Variants in PLEKHM1 observed in about 807,000 individuals in gnomAD.
PLEKHM1 encodes pleckstrin homology and RUN domain containing M1, also known as pleckstrin homology domain-containing family M member 1.
PLEKHM1 carries 28 observed loss-of-function variants against 94.3 expected under a neutral mutation model. The observed-to-expected ratio is 0.30, with a 90% CI of 0.22 to 0.41. The LOEUF (loss-of-function observed/expected upper bound fraction) is 0.41. Ranked by LOEUF, PLEKHM1 falls within the 10% of genes least tolerant of loss-of-function variation. PLEKHM1 has a pLI of 1.00. For missense variants in PLEKHM1, 907 were observed against 1,358.6 expected (o/e 0.67, Z 5.22); for synonymous variants, 424 against 581.2 (o/e 0.73, Z 3.89).
At chr17:45,447,656 G>A (rs71373572) in intron 8 of PLEKHM1, among the ~76,000 whole-genome samples, 19,433 of 151,914 alleles carry the variant, frequency 0.13, 1,587 homozygotes, top group Middle Eastern at 0.21. Flanking sequence ...GAACAGCAAC[G>A]GCGAACAATA....
At chr17:45,462,757 GA>G (rs2051191133) in intron 5 of PLEKHM1, among the ~76,000 whole-genome samples, 1 of 152,176 alleles carries the variant, frequency 6.6e-6, no homozygotes, top group African/African-American at 2.4e-5. Flanking sequence ...AAGTGGACTG[GA>G]AGGAAGGAGA....
At position 45,454,560 on chromosome 17, in the gene PLEKHM1, C is replaced by T. The variant is rs2684504; in HGVS notation, c.1580-288G>A. 79,173 of 576,836 alleles carry T rather than the reference C, an allele frequency of 0.14. 6,860 individuals are homozygous for T. The highest frequency in any genetic ancestry group is 0.2 in the Middle Eastern group (427 of 2,142). The allele number at this position is 576,836 out of a possible 1,614,324, so 35.7% of individuals were successfully genotyped here. ...CCCTACACCCACGCCTTCCCTCCTG[C>T]TGCCAGGGATGAACCAAGTGTGCTT... On this transcript the variant is annotated intron_variant, in intron 6 of 11. Coordinates refer to ENST00000430334, the MANE Select transcript of PLEKHM1 (RefSeq NM_014798.3).
At chr17:45,482,582 T>C in intron 1 of PLEKHM1, 57 bp from the exon 2 acceptor site, 4 of 959,478 alleles carry the variant, frequency 4.2e-6, no homozygotes. Flanking sequence ...CCAGCCAGAG[T>C]CCATTCCCAG....
chr17:45,465,618 G>A lies in PLEKHM1; in HGVS notation c.1308+2591C>T, dbSNP rs1415819635. On this transcript the variant is annotated intron_variant, in intron 5 of 11. Coordinates refer to ENST00000430334, the MANE Select transcript of PLEKHM1 (RefSeq NM_014798.3). ...CCAGCTACTTGGGAGGCTGAGGCAT[G>A]AGAATCAGTTGAACTTAGGAGGCGG... 8.5e-5 allele frequency among the ~76,000 whole-genome samples: 13 copies of A among 152,304 alleles called. 1 individual carries two copies. In the South Asian group the frequency reaches 1.9e-3, roughly 22 times the overall value.
chr17:45,434,926 G>A (rs1170934557), downstream of PLEKHM1, among the ~76,000 whole-genome samples: 1 of 134,466 alleles, frequency 7.4e-6, no homozygotes, highest in Non-Finnish European at 1.5e-5. Flanking sequence ...CCAAGATCAC[G>A]CCACTGCACT....
intron 4 of PLEKHM1, among the ~76,000 whole-genome samples, chr17:45,469,946 G>A (rs1017951698): frequency 2.8e-4 from 43 of 151,972 alleles, no homozygotes; most frequent in African/African-American, 9.4e-4. Context: ...GGTGGCAGGC[G>A]CCTGTAATCC....
At chr17:45,455,606 T>C (rs1185955639) in intron 6 of PLEKHM1, among the ~76,000 whole-genome samples, 5 of 152,214 alleles carry the variant, frequency 3.3e-5, no homozygotes, top group Non-Finnish European at 7.3e-5. Context: ...TCCAGATGCC[T>C]GGGCTAAAAA....
At chr17:45,482,850 G>A (rs190094918) in intron 1 of PLEKHM1, among the ~76,000 whole-genome samples, 2 of 151,818 alleles carry the variant, frequency 1.3e-5, no homozygotes, top group Admixed American at 6.5e-5. Flanking sequence ...GGCAGGGAAC[G>A]ACAGGCTGAT....
Position 45,454,009 on chromosome 17 carries a change from C to A in PLEKHM1, c.1843G>T (p.Asp615Tyr), listed in dbSNP as rs1206337754. The A allele has an allele frequency of 6.2e-7, 1 of 1,613,982 alleles. No individual in the cohort carries two copies. Among genetic ancestry groups the A allele is most frequent in the Non-Finnish European group, 8.5e-7 (1 of 1,179,958 alleles). The change falls in exon 7 of 12, where the codon GAC becomes TAC. Residue 615 changes from aspartate (D) to tyrosine (Y), a missense_variant. Transcript: ENST00000430334. Reference protein sequence around the residue: ...LRASSQDEAEDWLDRVREALQ... With the variant: ...LRASSQDEAEYWLDRVREALQ... ...GCCTCCCGCACCCGGTCCAGCCAGTCCTCAGCTTCGTCCTGGGAGGAGGCG... is the reference window on the plus strand; with the variant it reads ...GCCTCCCGCACCCGGTCCAGCCAGTACTCAGCTTCGTCCTGGGAGGAGGCG...
intron 1 of PLEKHM1, chr17:45,487,688 C>T (rs1598016629): frequency 2.2e-6 from 1 of 455,916 alleles, no homozygotes; most frequent in South Asian, 1.5e-5. Context: ...CTCCAGAGAT[C>T]AAGGAAGCAA....
intron 5 of PLEKHM1, among the ~76,000 whole-genome samples, chr17:45,461,783 T>A (rs1407204268): frequency 6.6e-6 from 1 of 152,182 alleles, no homozygotes; most frequent in African/African-American, 2.4e-5. Context: ...TGTTCTCTTT[T>A]GAATCTGAAG....
intron 4 of PLEKHM1, among the ~76,000 whole-genome samples, chr17:45,474,178 G>A (rs906338594): frequency 6.6e-6 from 1 of 151,012 alleles, no homozygotes; most frequent in Admixed American, 6.6e-5. Context: ...TGCCTCAGCC[G>A]CCCATGTAGC....
At chr17:45,448,498 G>A (rs943706234) in intron 8 of PLEKHM1, among the ~76,000 whole-genome samples, 5 of 152,246 alleles carry the variant, frequency 3.3e-5, no homozygotes, top group African/African-American at 1.2e-4. Context: ...GTGTTTCTGT[G>A]TCTGTCTTAG....
chr17:45,486,581 A>T (rs550700039), intron 1 of PLEKHM1, among the ~76,000 whole-genome samples: 25 of 152,264 alleles, frequency 1.6e-4, no homozygotes, highest in African/African-American at 6.0e-4. Flanking sequence ...CTCAAAAAAA[A>T]AAATTAATAA....
rs1232360389 is a variant in PLEKHM1 at position 45,444,436 on chromosome 17, G to C, written c.2837+1034C>G. Among the ~76,000 whole-genome samples, 1 of 152,170 alleles carries C rather than the reference G, an allele frequency of 6.6e-6. No homozygotes were observed. The highest frequency in any genetic ancestry group is 1.5e-5 in the Non-Finnish European group (1 of 68,012). ...GCCCAGCATCACATCCCATTCCTGA[G>C]CACCAAAGGCCCCAGGCCCTGGGTA... On this transcript the variant is annotated intron_variant, in intron 9 of 11. Transcript: ENST00000430334. The surrounding 1 kb of genome is among the most constrained non-coding windows in gnomAD (Gnocchi z 5.0).
chr17:45,484,775 G>A (rs530469998), intron 1 of PLEKHM1, among the ~76,000 whole-genome samples: 15 of 152,244 alleles, frequency 9.9e-5, no homozygotes, highest in African/African-American at 3.4e-4. Flanking sequence ...GCTGGGGGCC[G>A]GGAACAGGGG....
intron 2 of PLEKHM1, 35 bp from the exon 3 acceptor site, chr17:45,478,182 G>A (rs2868649): frequency 1.2e-5 from 19 of 1,613,768 alleles, no homozygotes; most frequent in East Asian, 8.9e-5. Flanking sequence ...GGCCTTTAGC[G>A]GAAAATCCTA....
downstream of PLEKHM1, chr17:45,435,861 C>T (rs548648182): frequency 1.2e-5 from 5 of 428,604 alleles, no homozygotes; most frequent in African/African-American, 2.0e-5. Context: ...TGGTCTCCCC[C>T]CTGGCCGTGG....
chr17:45,445,397 A>T lies in PLEKHM1; in HGVS notation c.2837+73T>A. On this transcript the variant is annotated intron_variant, in intron 9 of 11. Coordinates refer to ENST00000430334, the MANE Select transcript of PLEKHM1 (RefSeq NM_014798.3). This position sits in a 1 kb window ranked among gnomAD's most constrained non-coding sequence, Gnocchi z 4.2. ...TGTGTGTCTGTGTGTACATGTGCAT[A>T]TAAGTATGTGTTTGTGTGCATGCAT... 1.6e-6 allele frequency: 2 copies of T among 1,245,758 alleles called. No individual in the cohort carries two copies. Among genetic ancestry groups the T allele is most frequent in the Non-Finnish European group, 2.3e-6 (2 of 851,512 alleles). The allele number at this position is 1,245,758 out of a possible 1,614,324, so 77.2% of individuals were successfully genotyped here.
Sources: gnomAD v4.1 joint callset for allele counts (sites outside exome capture counted in the v4.1 genomes callset) on GRCh38, gnomAD v4.1.1 for gene constraint, Gnocchi (gnomAD v3.1) non-coding constraint, MANE v1.5 for transcripts, NCBI Gene and HGNC (gene_info 2026-07-23, HGNC 2026-07-21) for gene names.